The following SNX13 variants were observed in gnomAD, a reference collection of about 807,000 sequenced individuals.
The protein encoded by SNX13 is sorting nexin 13, also known as sorting nexin-13.
In SNX13, 45 loss-of-function variants were observed where a neutral mutation model predicts 133.6. The observed-to-expected ratio is 0.34, with a 90% CI of 0.27 to 0.43. SNX13 has a LOEUF of 0.43. SNX13 is among the 20% of genes least tolerant of loss of function. The pLI, the probability that SNX13 is intolerant of heterozygous loss-of-function variation, is 1.00. For synonymous variants in SNX13, 414 were observed against 373.9 expected (o/e 1.11, Z -1.24); for missense variants, 1,032 against 1,145.1 (o/e 0.90, Z 1.43).
intron 20 of SNX13, among the ~76,000 whole-genome samples, chr7:17,808,027 C>T (rs981278009): frequency 2.6e-5 from 4 of 152,126 alleles, no homozygotes; most frequent in African/African-American, 9.7e-5. Context: ...GCTGAAAATT[C>T]CAAAAACCAG....
chr7:17,829,635 C>G (rs1366308950), intron 16 of SNX13, among the ~76,000 whole-genome samples: 3 of 151,208 alleles, frequency 2.0e-5, no homozygotes, highest in African/African-American at 7.3e-5. Context: ...GAGAAAAAAA[C>G]TGATTCCAAT....
intron 1 of SNX13, among the ~76,000 whole-genome samples, chr7:17,923,787 G>A (rs1470410070): frequency 6.6e-6 from 1 of 152,188 alleles, no homozygotes; most frequent in African/African-American, 2.4e-5. Flanking sequence ...AGAGGACACT[G>A]CAGAATTTAA....
intron 1 of SNX13, among the ~76,000 whole-genome samples, chr7:17,923,431 G>T (rs996016424): frequency 2.0e-5 from 3 of 152,062 alleles, no homozygotes; most frequent in Admixed American, 2.0e-4. Context: ...TAGCAATGAG[G>T]GCAAACAGAC....
chr7:17,838,711 G>T (rs772215017), intron 13 of SNX13, among the ~76,000 whole-genome samples: 1 of 151,746 alleles, frequency 6.6e-6, no homozygotes, highest in Non-Finnish European at 1.5e-5. Flanking sequence ...TGTTGACTCA[G>T]AGGCTATTTA....
At chr7:17,909,542 C>G (rs1798736871) in intron 1 of SNX13, among the ~76,000 whole-genome samples, 1 of 152,216 alleles carries the variant, frequency 6.6e-6, no homozygotes, top group Non-Finnish European at 1.5e-5. Flanking sequence ...AAGAGACTAA[C>G]AAGATCACAT....
At chr7:17,898,901 A>C (rs1296596086) in intron 1 of SNX13, 2 of 152,110 alleles carry the variant, frequency 1.3e-5, no homozygotes, top group African/African-American at 4.8e-5. Context: ...CATCTTGGCC[A>C]CTTTTATCTT....
intron 1 of SNX13, among the ~76,000 whole-genome samples, chr7:17,925,080 G>A (rs1343837110): frequency 3.9e-5 from 6 of 152,230 alleles, no homozygotes; most frequent in African/African-American, 9.6e-5. Context: ...ATGGTGGCAC[G>A]TGCCTGGAAT....
At chr7:17,868,374 TA>T (rs769693171) in intron 9 of SNX13, 32 bp downstream of exon 9, 2 of 1,485,284 alleles carry the variant, frequency 1.3e-6, no homozygotes, top group East Asian at 2.3e-5. Context: ...AAATTATTTC[TA>T]AAACAGAGTT....
chr7:17,925,377 T>G (rs1053743549), intron 1 of SNX13, among the ~76,000 whole-genome samples: 4 of 152,126 alleles, frequency 2.6e-5, no homozygotes, highest in African/African-American at 9.7e-5. Context: ...GCAAAAGCCG[T>G]TGAATTGAAT....
chr7:17,908,008 T>G (rs533645792), intron 1 of SNX13, among the ~76,000 whole-genome samples: 9 of 152,204 alleles, frequency 5.9e-5, no homozygotes, highest in African/African-American at 2.2e-4. Flanking sequence ...AACTACACAC[T>G]GAACGCTCCT....
intron 12 of SNX13, 34 bp from the exon 13 acceptor site, chr7:17,840,034 T>C: frequency 6.4e-7 from 1 of 1,567,962 alleles, no homozygotes; most frequent in East Asian, 2.3e-5. Context: ...ACATAAATAT[T>C]AGTGTCACAC....
At position 17,816,271 on chromosome 7, in the gene SNX13, T is replaced by C. The variant is rs185202381; in HGVS notation, c.1864A>G (p.Ile622Val). 5.2e-6 allele frequency: 8 copies of C among 1,541,974 alleles called. No individual in the cohort carries two copies. In the African/African-American group the frequency reaches 6.9e-5, roughly 13 times the overall value. Residue 622 changes from isoleucine to valine, a missense_variant, in exon 19 of 26, where the codon ATA becomes GTA. Physicochemically the swap from Ile to Val is conservative, Grantham distance 29 (BLOSUM62 3). Coordinates refer to ENST00000428135, the MANE Select transcript of SNX13 (RefSeq NM_015132.5). Reference protein sequence around the residue: ...ITEQFESLSSILKLPGKKTFN... With the variant: ...ITEQFESLSSVLKLPGKKTFN... ...GTCTTTTTTCCAGGAAGTTTCAATA[T>C]GCTTGAGAGACTTTCAAACTGTAAG...
Position 17,870,330 on chromosome 7 carries a change from C to T in SNX13, c.754-1840G>A, listed in dbSNP as rs528041146. Among the ~76,000 whole-genome samples the T allele has an allele frequency of 3.9e-5, 6 of 152,088 alleles. No homozygotes were observed. The East Asian group carries it at 1.2e-3, about 29-fold the overall frequency. ...CGTACAAAGAAAATTAAAACTCTTTCGTCTGTTATTTAATCTAAACAAAAA... is the reference window on the plus strand; with the variant it reads ...CGTACAAAGAAAATTAAAACTCTTTTGTCTGTTATTTAATCTAAACAAAAA... On this transcript the variant is annotated intron_variant, in intron 8 of 25. Coordinates refer to ENST00000428135, the MANE Select transcript of SNX13 (RefSeq NM_015132.5).
chr7:17,832,029 CA>C (rs1788549609), intron 15 of SNX13: 1 of 983,516 alleles, frequency 1.0e-6, no homozygotes, highest in Non-Finnish European at 1.2e-6. Flanking sequence ...AATTAGGAAA[CA>C]AAATATTAGA....
intron 1 of SNX13, among the ~76,000 whole-genome samples, chr7:17,917,554 T>C (rs1230862523): frequency 6.7e-6 from 1 of 148,468 alleles, no homozygotes; most frequent in Non-Finnish European, 1.5e-5. Context: ...GCAACAGCAA[T>C]AAAAAGAAAA....
At chr7:17,931,746 T>C (rs958507969) in intron 1 of SNX13, among the ~76,000 whole-genome samples, 6 of 152,200 alleles carry the variant, frequency 3.9e-5, no homozygotes, top group African/African-American at 4.8e-5. Flanking sequence ...AAGTAAACAA[T>C]GGTGAATTAT....
chr7:17,926,850 C>A (rs935222232), intron 1 of SNX13, among the ~76,000 whole-genome samples: 6 of 152,114 alleles, frequency 3.9e-5, no homozygotes, highest in African/African-American at 1.4e-4. Context: ...CGTGCTACTG[C>A]ACTCTAGCCT....
chr7:17,871,618 T>C (rs1391602611), intron 8 of SNX13, among the ~76,000 whole-genome samples: 1 of 152,186 alleles, frequency 6.6e-6, no homozygotes, highest in Admixed American at 6.5e-5. Context: ...AGAATCCTAT[T>C]AAGTCTGTTT....
chr7:17,844,528 G>T (rs1302794668), intron 12 of SNX13, among the ~76,000 whole-genome samples: 1 of 151,912 alleles, frequency 6.6e-6, no homozygotes, highest in Non-Finnish European at 1.5e-5. Context: ...AATTAAACAG[G>T]AAACACTTCC....
Sources: allele counts gnomAD v4.1 joint callset (sites outside exome capture counted in the v4.1 genomes callset), GRCh38; gene constraint gnomAD v4.1.1; transcripts MANE v1.5; gene names NCBI Gene and HGNC (gene_info 2026-07-23, HGNC 2026-07-21).